Variants in TANC2 observed in about 807,000 individuals in gnomAD.
TANC2 encodes protein TANC2.
A neutral mutation model predicts 210.5 loss-of-function variants in TANC2; 26 were observed. The ratio of observed to expected loss-of-function variants is 0.12; its 90% confidence interval spans 0.09 to 0.17. The LOEUF is 0.17. Ranked by LOEUF, TANC2 falls within the 10% of genes least tolerant of loss-of-function variation. The probability of loss-of-function intolerance (pLI) is 1.00; values close to 1 mark genes in which losing one functional copy is unlikely to be tolerated. For synonymous variants in TANC2, 931 were observed against 967.1 expected, an observed-to-expected ratio of 0.96 and a Z score of 0.69; for missense variants, 2,129 against 2,608.9, an observed-to-expected ratio of 0.82 and a Z score of 4.01.
At chr17:63,109,774 C>T (rs186529984) in intron 4 of TANC2, among the ~76,000 whole-genome samples, 1 of 151,834 alleles carries the variant, frequency 6.6e-6, no homozygotes, top group East Asian at 1.9e-4. Context: ...GTAACATAGC[C>T]TGCTCCTTTG....
At chr17:63,400,982 T>C (rs1023635417) in intron 19 of TANC2, among the ~76,000 whole-genome samples, 7 of 152,104 alleles carry the variant, frequency 4.6e-5, no homozygotes, top group African/African-American at 1.7e-4. Flanking sequence ...TATGAAAAAT[T>C]ATTTTATTTC....
chr17:63,427,119 A>C (rs2049164693), exon 28 of TANC2: 1 of 152,268 alleles, frequency 6.6e-6, no homozygotes, highest in Non-Finnish European at 1.5e-5. Context: ...GAGTGAGGCC[A>C]GTTCCTCATC....
chr17:63,324,074 A>C, intron 11 of TANC2, among the ~76,000 whole-genome samples: 1 of 152,214 alleles, frequency 6.6e-6, no homozygotes. Context: ...AATTATAATG[A>C]AGATGTACTT....
chr17:63,325,096 G>T (rs1228192238), intron 11 of TANC2, among the ~76,000 whole-genome samples: 1 of 151,852 alleles, frequency 6.6e-6, no homozygotes, highest in African/African-American at 2.4e-5. Flanking sequence ...GGGCAAGGCG[G>T]ATGTTGTCCT....
chr17:63,235,352 G>A (rs2042591849), intron 7 of TANC2, among the ~76,000 whole-genome samples: 1 of 151,922 alleles, frequency 6.6e-6, no homozygotes, highest in Admixed American at 6.6e-5. Context: ...ATCACTAAAG[G>A]GGAAATAGAG....
intron 4 of TANC2, among the ~76,000 whole-genome samples, chr17:63,123,985 G>A (rs1420805054): frequency 6.6e-6 from 1 of 152,130 alleles, no homozygotes; most frequent in African/African-American, 2.4e-5. Flanking sequence ...ACAGGCATGA[G>A]CCACAGCGCC....
At chr17:62,976,528 G>T in intron 1 of TANC2, among the ~76,000 whole-genome samples, 1 of 149,440 alleles carries the variant, frequency 6.7e-6, no homozygotes, top group East Asian at 2.0e-4. Context: ...ATAATATATT[G>T]GAAAATTTTG....
chr17:63,161,385 C>T lies in TANC2; in HGVS notation c.433+10005C>T, dbSNP rs2040019737. ...TAAAATAAAATAAAATAGGTAGATT[C>T]CATATACTCTGAACAGCTTTGTGTT... On this transcript the variant is annotated intron_variant, in intron 5 of 27. Transcript: ENST00000689528. Among the ~76,000 whole-genome samples, 2 of 151,988 alleles carry T rather than the reference C, an allele frequency of 1.3e-5. 1 individual carries two copies. The highest frequency in any genetic ancestry group is 4.2e-4 in the South Asian group (2 of 4,816).
At chr17:63,070,313 T>G (rs1036880137) in intron 2 of TANC2, among the ~76,000 whole-genome samples, 20 of 152,198 alleles carry the variant, frequency 1.3e-4, no homozygotes, top group African/African-American at 4.6e-4. Context: ...AGATGTAACA[T>G]GTAATTAAGC....
At chr17:63,069,187 TTG>T (rs1402315429) in intron 2 of TANC2, among the ~76,000 whole-genome samples, 2 of 152,180 alleles carry the variant, frequency 1.3e-5, no homozygotes, top group South Asian at 2.1e-4. Flanking sequence ...ATTAACTTAT[TTG>T]TATATAATTT....
Position 63,418,050 on chromosome 17 carries a change from A to G in TANC2, c.4168-257A>G, listed in dbSNP as rs79836263. Among the ~76,000 whole-genome samples the G allele has an allele frequency of 1.5e-3, 225 of 152,320 alleles. 3 individuals carry two copies. The East Asian group carries it at 0.04, about 27-fold the overall frequency. On this transcript the variant is annotated intron_variant, in intron 26 of 27. Transcript: ENST00000689528. The surrounding 1 kb of genome is among the most constrained non-coding windows in gnomAD (Gnocchi z 4.6). ...GGCTGAGAACTTTATTAGAAAGGCA[A>G]AAAGAGGGAAAATTAAAACTATTTT... is the stretch of plus-strand genomic sequence containing the variant.
intron 3 of TANC2, among the ~76,000 whole-genome samples, chr17:63,091,728 G>T (rs1568377797): frequency 6.6e-6 from 1 of 152,160 alleles, no homozygotes; most frequent in East Asian, 1.9e-4. Flanking sequence ...CTTTAAAGTA[G>T]TTTTTTCCAA....
intron 7 of TANC2, among the ~76,000 whole-genome samples, chr17:63,218,631 C>A (rs111639120): frequency 6.6e-6 from 1 of 152,144 alleles, no homozygotes; most frequent in Non-Finnish European, 1.5e-5. Context: ...CACGGTGGCT[C>A]ACCCCTGTAA....
rs536406678 is a variant in TANC2, at chr17:63,353,220, G to A, written c.1975-1563G>A. Among the ~76,000 whole-genome samples, 10 of 152,222 alleles carry A rather than the reference G, an allele frequency of 6.6e-5. No homozygotes were observed. In the South Asian group the frequency reaches 1.7e-3, roughly 25 times the overall value. ...GGACCATGTGAAATGGTCATATTTC[G>A]TTGGACTGTATTTTGAAGGAGAGTA... On this transcript the variant is annotated intron_variant, in intron 13 of 27. Transcript: ENST00000689528.
intron 5 of TANC2, chr17:63,153,578 C>G (rs985945015): frequency 6.6e-6 from 1 of 152,116 alleles, no homozygotes; most frequent in African/African-American, 2.4e-5. Context: ...GCATTTCTAA[C>G]AAAATCTCAG....
At chr17:63,374,891 G>A (rs1466183090) in intron 14 of TANC2, among the ~76,000 whole-genome samples, 1 of 152,134 alleles carries the variant, frequency 6.6e-6, no homozygotes, top group Admixed American at 6.6e-5. Context: ...GATGGCCAGG[G>A]AGTGAGCAGT....
At chr17:63,052,604 A>G (rs538387975) in intron 2 of TANC2, among the ~76,000 whole-genome samples, 1 of 152,330 alleles carries the variant, frequency 6.6e-6, no homozygotes, top group Non-Finnish European at 1.5e-5. Context: ...CTTTTTCTGT[A>G]AAGTACCAGG....
chr17:63,112,411 A>G (rs1374989899), intron 4 of TANC2, among the ~76,000 whole-genome samples: 1 of 152,184 alleles, frequency 6.6e-6, no homozygotes, highest in African/African-American at 2.4e-5. Flanking sequence ...AGTAGTCAGC[A>G]CCAAGAAAAA....
intron 8 of TANC2, among the ~76,000 whole-genome samples, chr17:63,262,432 C>T (rs1002036865): frequency 1.3e-5 from 2 of 152,196 alleles, no homozygotes; most frequent in Middle Eastern, 3.2e-3. Flanking sequence ...TCAAGAGATC[C>T]TCCCACCTCA....
Sources: gnomAD v4.1 joint callset for allele counts (sites outside exome capture counted in the v4.1 genomes callset) on GRCh38, gnomAD v4.1.1 for gene constraint, Gnocchi (gnomAD v3.1) non-coding constraint, MANE v1.5 for transcripts, NCBI Gene and HGNC (gene_info 2026-07-23, HGNC 2026-07-21) for gene names.